PGM1: variants seen among roughly 807,000 people sequenced by gnomAD.
The protein encoded by PGM1 is phosphoglucomutase-1.
PGM1 carries 52 observed loss-of-function variants against 55.6 expected under a neutral mutation model. The observed-to-expected ratio is 0.94, with a 90% confidence interval of 0.75 to 1.18. The LOEUF (loss-of-function observed/expected upper bound fraction) is 1.18, where lower values mean the gene tolerates loss of function less well. PGM1 is among the 50% of genes most tolerant of loss of function. PGM1 has a pLI of 0.00. For missense variants in PGM1, 724 were observed against 729.3 expected, an observed-to-expected ratio of 0.99 and a Z score of 0.08; for synonymous variants, 287 against 271.7, an observed-to-expected ratio of 1.06 and a Z score of -0.55.
At chr1:63,637,873 A>T (rs1033840055) in intron 6 of PGM1, among the ~76,000 whole-genome samples, 5 of 152,198 alleles carry the variant, frequency 3.3e-5, no homozygotes, top group Non-Finnish European at 7.4e-5. Context: ...CATAGATTTG[A>T]TTTTTCCTCA....
At chr1:63,615,069 C>A (rs1193885956) in intron 1 of PGM1, among the ~76,000 whole-genome samples, 3 of 152,194 alleles carry the variant, frequency 2.0e-5, no homozygotes, top group African/African-American at 7.2e-5. Context: ...TCTTTAAATC[C>A]TCCTTCTGCT....
chr1:63,624,627 G>T (rs939064707), intron 1 of PGM1, among the ~76,000 whole-genome samples: 1 of 152,168 alleles, frequency 6.6e-6, no homozygotes, highest in Non-Finnish European at 1.5e-5. Flanking sequence ...TTAGCAATTA[G>T]TTGGAGCACA....
At chr1:63,619,614 T>C (rs1364534929) in intron 1 of PGM1, among the ~76,000 whole-genome samples, 1 of 152,238 alleles carries the variant, frequency 6.6e-6, no homozygotes, top group East Asian at 1.9e-4. Context: ...TATATTCTTT[T>C]TGCTTACAAA....
In PGM1 at chr1:63,659,721, C is replaced by T; in HGVS notation, c.*46C>T. 7.2e-7 allele frequency: 1 copy of T among 1,382,936 alleles called. No individual in the cohort carries two copies. Among genetic ancestry groups the T allele is most frequent in the Non-Finnish European group, 1.0e-6 (1 of 968,992 alleles). 85.7% of individuals were successfully genotyped at this position (1,382,936 alleles called of 1,614,324 possible). A position where few individuals can be genotyped will look rare whatever the true frequency, so the allele number is the denominator to read the frequency against. On this transcript the variant is annotated 3_prime_UTR_variant, in exon 11 of 11. Coordinates refer to ENST00000371084, the MANE Select transcript of PGM1 (RefSeq NM_002633.3). ...ACGTCCCTCCACCCCCGGACCCATC[C>T]AAGTCATCTGATTGAAGAGCATGAC...
intron 1 of PGM1, among the ~76,000 whole-genome samples, chr1:63,606,779 T>C (rs1648430794): frequency 6.6e-6 from 1 of 152,126 alleles, no homozygotes; most frequent in African/African-American, 2.4e-5. Flanking sequence ...TCCTAAGCAT[T>C]CCCTCCAAAT....
intron 1 of PGM1, among the ~76,000 whole-genome samples, chr1:63,596,209 A>G (rs1232446545): frequency 1.4e-5 from 2 of 142,146 alleles, no homozygotes; most frequent in African/African-American, 5.3e-5. Flanking sequence ...CACATTGACT[A>G]TCCCCTAGGT....
chr1:63,626,456 G>A (rs1042233447), intron 1 of PGM1, among the ~76,000 whole-genome samples: 3 of 152,088 alleles, frequency 2.0e-5, no homozygotes, highest in Admixed American at 2.0e-4. Flanking sequence ...CCTCATAGAA[G>A]CAGAATCAGA....
intron 8 of PGM1, 35 bp downstream of exon 8, chr1:63,648,687 TG>T (rs748769621): frequency 1.2e-6 from 2 of 1,611,012 alleles, no homozygotes; most frequent in Non-Finnish European, 1.7e-6. Flanking sequence ...CAAGGTAAGG[TG>T]GGGAAGTGGG....
intron 1 of PGM1, among the ~76,000 whole-genome samples, chr1:63,614,753 T>C (rs746160359): frequency 1.3e-5 from 2 of 152,254 alleles, no homozygotes; most frequent in Non-Finnish European, 2.9e-5. Context: ...TGACATAATC[T>C]CTGTATCCCC....
intron 1 of PGM1, among the ~76,000 whole-genome samples, chr1:63,628,801 A>C (rs1272263327): frequency 6.6e-6 from 1 of 152,178 alleles, no homozygotes; most frequent in Non-Finnish European, 1.5e-5. Flanking sequence ...ACTCAGGAAT[A>C]ACTCCAGCAT....
At chr1:63,656,149 A>AGGCGTTC (rs1248677562) in intron 10 of PGM1, 1 of 152,266 alleles carries the variant, frequency 6.6e-6, no homozygotes, top group African/African-American at 2.4e-5. Flanking sequence ...CAAAGAAAAC[A>AGGCGTTC]TACAAATGGC....
intron 1 of PGM1, among the ~76,000 whole-genome samples, chr1:63,606,312 G>C (rs1199720360): frequency 6.6e-6 from 1 of 152,228 alleles, no homozygotes; most frequent in African/African-American, 2.4e-5. Flanking sequence ...TTAAAATGTA[G>C]GTTTGGCTGC....
intron 1 of PGM1, 60 bp downstream of exon 1, chr1:63,593,794 G>C (rs762623470): frequency 4.0e-6 from 6 of 1,489,630 alleles, no homozygotes; most frequent in East Asian, 2.7e-5. Flanking sequence ...CGTGCGGCCC[G>C]CGGCGCCCTC....
chr1:63,648,614 A>G lies in PGM1; in HGVS notation c.1242A>G (p.Lys414=), dbSNP rs757402907. The G allele has an allele frequency of 1.2e-6, 2 of 1,614,006 alleles. No individual in the cohort carries two copies. Among genetic ancestry groups the G allele is most frequent in the East Asian group, 4.5e-5 (2 of 44,874 alleles). ...TRKQSVEDIL[K]DHWQKYGRNF... ...AGCAGAGTGTGGAGGACATTCTCAA[A>G]GATCATTGGCAAAAGTATGGCCGGA... is the stretch of plus-strand genomic sequence containing the variant. The change falls in exon 8 of 11, where the codon AAA becomes AAG. Residue 414 remains lysine (K), a synonymous_variant. Transcript: ENST00000371084.
chr1:63,629,197 A>C (rs191981017), intron 1 of PGM1, among the ~76,000 whole-genome samples: 2 of 152,328 alleles, frequency 1.3e-5, no homozygotes, highest in Admixed American at 1.3e-4. Flanking sequence ...CTAAAACTAC[A>C]AAGTCCCGAA....
chr1:63,651,509 AT>A, intron 8 of PGM1, 159 bp from the exon 9 acceptor site: 1 of 663,586 alleles, frequency 1.5e-6, no homozygotes, highest in Non-Finnish European at 2.7e-6. Flanking sequence ...GGCCTGTTCC[AT>A]CCCCAGTGAC....
intron 1 of PGM1, among the ~76,000 whole-genome samples, chr1:63,608,781 G>T (rs930230110): frequency 1.3e-5 from 2 of 152,166 alleles, no homozygotes; most frequent in African/African-American, 4.8e-5. Context: ...CACTCTAACC[G>T]CTTTGTGGTC....
In PGM1 at chr1:63,647,275, T is replaced by TATATATATATAC. The variant is rs1303039902; in HGVS notation, c.1145-1231_1145-1230insCATATATATATA. On this transcript the variant is annotated intron_variant, in intron 7 of 10. Coordinates refer to ENST00000371084, the MANE Select transcript of PGM1 (RefSeq NM_002633.3). ...AAAATTTTACATATATATATATATA[T>TATATATATATAC]ATATATATATATATATATATATATA... 2.6e-4 allele frequency among the ~76,000 whole-genome samples: 12 copies of TATATATATATAC among 46,312 alleles called. 1 individual carries two copies. The highest frequency in any genetic ancestry group is 4.1e-4 in the Non-Finnish European group (11 of 26,780). The allele number at this position is 46,312 out of a possible 152,430, so 30.4% of individuals were successfully genotyped here. A position where few individuals can be genotyped will look rare whatever the true frequency, so the allele number is the denominator to read the frequency against.
rs1007957391 is a variant in PGM1, at chr1:63,651,573, G to A, written c.1281-96G>A. 33 of 1,159,806 alleles carry A rather than the reference G, an allele frequency of 2.8e-5. 1 individual carries two copies. The highest frequency in any genetic ancestry group is 2.3e-4 in the African/African-American group (15 of 65,486). 71.8% of individuals were successfully genotyped at this position (1,159,806 alleles called of 1,614,324 possible). A position where few individuals can be genotyped will look rare whatever the true frequency, so the allele number is the denominator to read the frequency against. ...TTCTTCTGAAGTTAGATAGTTTTGC[G>A]GGAGGGCCAAACAAATGATGAAGAA... On this transcript the variant is annotated intron_variant, in intron 8 of 10. Coordinates refer to ENST00000371084, the MANE Select transcript of PGM1 (RefSeq NM_002633.3).
Sources: gnomAD v4.1 joint callset for allele counts (sites outside exome capture counted in the v4.1 genomes callset) on GRCh38, gnomAD v4.1.1 for gene constraint, MANE v1.5 for transcripts, NCBI Gene and HGNC (gene_info 2026-07-23, HGNC 2026-07-21) for gene names.